Variants in UTP20 observed in about 807,000 individuals in gnomAD.
The protein encoded by UTP20 is small subunit processome component 20 homolog.
Under a neutral mutation model 329.5 loss-of-function variants are expected in UTP20, and 164 were observed. The observed-to-expected ratio is 0.50, with a 90% CI of 0.44 to 0.57. The LOEUF (loss-of-function observed/expected upper bound fraction) is 0.57. UTP20 is among the 20% of genes least tolerant of loss of function. The pLI, the probability that UTP20 is intolerant of heterozygous loss-of-function variation, is 0.00. For missense variants in UTP20, 3,055 were observed against 3,284.2 expected (o/e 0.93, Z 1.71); for synonymous variants, 1,151 against 1,159.3 (o/e 0.99, Z 0.14).
rs1267532847 is a variant in UTP20, at chr12:101,363,466, A to G, written c.5791-110A>G. On this transcript the variant is annotated intron_variant, in intron 44 of 61. Transcript: ENST00000261637. ...CTTCCATCTAATTTGAGTCCAGTCC[A>G]ACTTGCATTTCTTTGATTTGGACAT... The G allele has an allele frequency of 7.4e-6, 7 of 946,456 alleles. No individual in the cohort carries two copies. The South Asian group carries it at 1.1e-4, about 14-fold the overall frequency. The allele number at this position is 946,456 out of a possible 1,614,324, so 58.6% of individuals were successfully genotyped here.
intron 47 of UTP20, 32 bp from the exon 48 acceptor site, chr12:101,367,828 C>T (rs1296605560): frequency 1.4e-6 from 2 of 1,449,744 alleles, no homozygotes; most frequent in African/African-American, 2.8e-5. Context: ...TAATGGGCAA[C>T]TAATGTGAAA....
intron 55 of UTP20, among the ~76,000 whole-genome samples, 183 bp from the exon 56 acceptor site, chr12:101,375,441 A>G (rs1429707134): frequency 6.6e-6 from 1 of 152,204 alleles, no homozygotes. Flanking sequence ...ATAGAGGAGC[A>G]GGGATGCTGG....
chr12:101,291,955 T>G lies in UTP20; in HGVS notation c.1039-15T>G, dbSNP rs759249774. ...AAGCTGATTGCTGAGTATGCATTGT[T>G]TTTTCTTTTTGCAGGTGTTATCTCA... is the stretch of plus-strand genomic sequence containing the variant. On this transcript the variant is annotated splice_polypyrimidine_tract_variant and intron_variant, in intron 9 of 61. Transcript: ENST00000261637. 6.2e-7 allele frequency: 1 copy of G among 1,610,376 alleles called. No individual in the cohort carries two copies. Among genetic ancestry groups the G allele is most frequent in the Non-Finnish European group, 8.5e-7 (1 of 1,178,574 alleles).
At chr12:101,330,398 C>G (rs1868721446) in intron 27 of UTP20, among the ~76,000 whole-genome samples, 1 of 152,110 alleles carries the variant, frequency 6.6e-6, no homozygotes. Context: ...GTCGTAGGGG[C>G]TCTGTAGGAC....
chr12:101,305,210 C>T (rs1186632142), intron 15 of UTP20, among the ~76,000 whole-genome samples: 1 of 151,980 alleles, frequency 6.6e-6, no homozygotes, highest in Non-Finnish European at 1.5e-5. Context: ...CTCCATGACG[C>T]TCATCACTGT....
Position 101,326,960 on chromosome 12 carries a change from C to T in UTP20, c.3042-121C>T. The stretch of plus-strand genomic sequence containing the variant: ...ATATCTAATTTCTATTTTCATGTTT[C>T]TGTGTTTTATAATATATCCATTTAA... On this transcript the variant is annotated intron_variant, in intron 25 of 61. Coordinates refer to ENST00000261637, the MANE Select transcript of UTP20 (RefSeq NM_014503.3). The T allele has an allele frequency of 4.1e-6, 4 of 975,388 alleles. No homozygotes were observed. The South Asian group carries it at 6.2e-5, about 15-fold the overall frequency. The allele number at this position is 975,388 out of a possible 1,614,324, so 60.4% of individuals were successfully genotyped here. A position where few individuals can be genotyped will look rare whatever the true frequency, so the allele number is the denominator to read the frequency against.
chr12:101,320,821 CTTCA>C, intron 23 of UTP20, 27 bp from the exon 24 acceptor site: 1 of 1,574,410 alleles, frequency 6.4e-7, no homozygotes, highest in African/African-American at 1.4e-5. Flanking sequence ...GTATATATGA[CTTCA>C]TTAATTCTGT....
In UTP20 at chr12:101,294,809, G is replaced by A. The variant is rs1432571168; in HGVS notation, c.1252-671G>A. The stretch of plus-strand genomic sequence containing the variant: ...TCTGCCTGCCTCGGCCTCCCAAAGT[G>A]TTGGGATTACAGGCATGAGCCACCA... On this transcript the variant is annotated intron_variant, in intron 11 of 61. Transcript: ENST00000261637. 2.0e-5 allele frequency among the ~76,000 whole-genome samples: 3 copies of A among 152,126 alleles called. No individual in the cohort carries two copies. In the East Asian group the frequency reaches 5.8e-4, roughly 29 times the overall value.
At chr12:101,343,188 A>AG (rs1374955303) in intron 35 of UTP20, 95 bp downstream of exon 35, 7 of 822,936 alleles carry the variant, frequency 8.5e-6, no homozygotes, top group African/African-American at 1.8e-5. Flanking sequence ...TTGTTTTTTG[A>AG]GGGGGGACAA....
rs368717837 is a variant in UTP20, at chr12:101,370,397, G to A, written c.6556-35G>A. 4 of 1,600,238 alleles carry A rather than the reference G, an allele frequency of 2.5e-6. No homozygotes were observed. The African/African-American group carries it at 4.0e-5, about 16-fold the overall frequency. ...TTTCACTGGATCCCAACTGTGGGAT[G>A]TGCTGGCTGTTAACATCACTATTGT... On this transcript the variant is annotated intron_variant, in intron 49 of 61. Transcript: ENST00000261637.
At position 101,290,021 on chromosome 12, in the gene UTP20, A is replaced by T; in HGVS notation, c.598-116A>T. ...ATCATTACAAATGTCTGTTCTTTTC[A>T]CAATTTTTTCCTAAGTATATTTAAA... On this transcript the variant is annotated intron_variant, in intron 6 of 61. Transcript: ENST00000261637. 4.9e-6 allele frequency: 4 copies of T among 810,126 alleles called. No homozygotes were observed. The South Asian group carries it at 1.0e-4, about 20-fold the overall frequency. The allele number at this position is 810,126 out of a possible 1,614,324, so 50.2% of individuals were successfully genotyped here.
chr12:101,336,956 T>C (rs1868953771), intron 29 of UTP20, among the ~76,000 whole-genome samples: 1 of 152,232 alleles, frequency 6.6e-6, no homozygotes, highest in Non-Finnish European at 1.5e-5. Context: ...TACTCGCAGT[T>C]GAAAGCAGTT....
chr12:101,341,892 G>T (rs965035966), intron 32 of UTP20, among the ~76,000 whole-genome samples: 2 of 152,098 alleles, frequency 1.3e-5, no homozygotes, highest in East Asian at 3.9e-4. Flanking sequence ...ACAACAGAGT[G>T]AGACTCCATC....
At chr12:101,365,088 G>GTGTGTA (rs1870052046) in intron 45 of UTP20, among the ~76,000 whole-genome samples, 1 of 151,374 alleles carries the variant, frequency 6.6e-6, no homozygotes, top group Non-Finnish European at 1.5e-5. Context: ...GTGTGTGTGT[G>GTGTGTA]TGTGTGTGTG....
At chr12:101,284,143 C>G (rs1871885600) in intron 2 of UTP20, among the ~76,000 whole-genome samples, 1 of 151,996 alleles carries the variant, frequency 6.6e-6, no homozygotes, top group Non-Finnish European at 1.5e-5. Flanking sequence ...AGGTTTGTTA[C>G]ATGGGAATAT....
In UTP20 at chr12:101,288,109, C is replaced by T. The variant is rs117212276; in HGVS notation, c.516-851C>T. ...TGCCTGTTAGCCCAAGCTTGTATGA[C>T]TTGAGCACCTTTCTGACTGAATTAG... is the stretch of plus-strand genomic sequence containing the variant. On this transcript the variant is annotated intron_variant, in intron 5 of 61. Coordinates refer to ENST00000261637, the MANE Select transcript of UTP20 (RefSeq NM_014503.3). Among the ~76,000 whole-genome samples, 207 of 152,318 alleles carry T rather than the reference C, an allele frequency of 1.4e-3. 4 individuals are homozygous for T. In the East Asian group the frequency reaches 0.038, roughly 28 times the overall value.
At chr12:101,345,132 G>T (rs1307750100) in intron 36 of UTP20, among the ~76,000 whole-genome samples, 1 of 151,886 alleles carries the variant, frequency 6.6e-6, no homozygotes, top group African/African-American at 2.4e-5. Context: ...TTTTAGTAGA[G>T]ACGGGGTTTC....
Position 101,373,655 on chromosome 12 carries a change from C to T in UTP20, c.7019C>T (p.Ala2340Val). 2 of 1,613,000 alleles carry T rather than the reference C, an allele frequency of 1.2e-6. No homozygotes were observed. Among genetic ancestry groups the T allele is most frequent in the South Asian group, 2.2e-5 (2 of 90,662 alleles). Residue 2340 changes from alanine (A) to valine (V), a missense_variant, in exon 54 of 62, where the codon GCC becomes GTC. Physicochemically the swap from Ala to Val is moderately conservative, Grantham distance 64. Around this residue, in one of 3 missense-constraint regions of UTP20, gnomAD observed 273 missense variants for 363.1 expected, o/e 0.75. Transcript: ENST00000261637. ...CTAATGACGATCAATGATGACTCTGCCACGTGCAAAAAGATGGCATCCATG... is the reference window on the plus strand; with the variant it reads ...CTAATGACGATCAATGATGACTCTGTCACGTGCAAAAAGATGGCATCCATG... ...LCLMTINDDS[A>V]TCKKMASMTI... is the part of the protein sequence containing the mutation.
intron 2 of UTP20, 126 bp from the exon 3 acceptor site, chr12:101,285,444 A>T (rs1454241783): frequency 9.7e-7 from 1 of 1,035,330 alleles, no homozygotes; most frequent in Admixed American, 2.7e-5. Context: ...TGTTTTAAAA[A>T]ACTAAAAGGA....
Sources: allele counts gnomAD v4.1 joint callset (sites outside exome capture counted in the v4.1 genomes callset), GRCh38; gene constraint gnomAD v4.1.1; regional missense constraint gnomAD v4.1.1; transcripts MANE v1.5; gene names NCBI Gene and HGNC (gene_info 2026-07-23, HGNC 2026-07-21).